The following PALM2AKAP2 variants were observed in gnomAD, a reference collection of about 807,000 sequenced individuals.
PALM2AKAP2 encodes PALM2-AKAP2 fusion protein.
PALM2AKAP2 carries 37 observed loss-of-function variants against 71.5 expected under a neutral mutation model. The observed-to-expected ratio is 0.52, with a 90% CI of 0.40 to 0.68. The LOEUF is 0.68. Among genes scored for constraint, PALM2AKAP2 ranks in the 30% least tolerant of loss-of-function variants. PALM2AKAP2 has a pLI of 0.00. For missense variants in PALM2AKAP2, 1,224 were observed against 1,191.8 expected (o/e 1.03, Z -0.40); for synonymous variants, 468 against 478.8 (o/e 0.98, Z 0.29).
At chr9:110,004,999 T>C (rs1034215875) in intron 6 of PALM2AKAP2, among the ~76,000 whole-genome samples, 4 of 152,210 alleles carry the variant, frequency 2.6e-5, no homozygotes, top group African/African-American at 9.6e-5. Context: ...TCGGAGTAGT[T>C]TGATCGTCTG....
At chr9:109,673,902 A>G (rs1827612080) in intron 1 of PALM2AKAP2, among the ~76,000 whole-genome samples, 1 of 152,006 alleles carries the variant, frequency 6.6e-6, no homozygotes, top group African/African-American at 2.4e-5. Flanking sequence ...CTGTTTTGTC[A>G]GGAACTAGGA....
chr9:110,119,350 A>G (rs1413007184), intron 1 of PALM2AKAP2, among the ~76,000 whole-genome samples: 3 of 151,770 alleles, frequency 2.0e-5, no homozygotes, highest in Non-Finnish European at 2.9e-5. Context: ...TCAAAAAAAA[A>G]AAAAAAAAAA....
intron 1 of PALM2AKAP2, among the ~76,000 whole-genome samples, chr9:110,105,761 A>C (rs1442655827): frequency 6.6e-6 from 1 of 152,206 alleles, no homozygotes; most frequent in Non-Finnish European, 1.5e-5. Flanking sequence ...AAAATTTATC[A>C]GCAGGCATAT....
intron 6 of PALM2AKAP2, among the ~76,000 whole-genome samples, chr9:110,005,498 G>C (rs945530040): frequency 6.6e-6 from 1 of 152,234 alleles, no homozygotes. Flanking sequence ...GAGGCAGTCT[G>C]TCCATTCTCA....
intron 1 of PALM2AKAP2, among the ~76,000 whole-genome samples, chr9:109,727,195 A>G (rs1474044995): frequency 6.6e-6 from 1 of 152,104 alleles, no homozygotes; most frequent in Non-Finnish European, 1.5e-5. Flanking sequence ...TTTCCTTGCC[A>G]GGACTTTGAA....
At chr9:110,142,277 CAG>C (rs1223198789) in intron 2 of PALM2AKAP2, among the ~76,000 whole-genome samples, 3 of 151,876 alleles carry the variant, frequency 2.0e-5, no homozygotes, top group Non-Finnish European at 4.4e-5. Flanking sequence ...TTAGTAGAGA[CAG>C]AGTTTCATCA....
chr9:109,860,531 C>T (rs1829282139), intron 1 of PALM2AKAP2, among the ~76,000 whole-genome samples: 1 of 152,154 alleles, frequency 6.6e-6, no homozygotes, highest in Non-Finnish European at 1.5e-5. Flanking sequence ...ATTTCAGTAT[C>T]CTTACTGGAA....
chr9:110,020,649 C>G (rs1833058102), intron 7 of PALM2AKAP2, among the ~76,000 whole-genome samples: 1 of 152,032 alleles, frequency 6.6e-6, no homozygotes, highest in Non-Finnish European at 1.5e-5. Flanking sequence ...CGCCACTGCA[C>G]TCCAGCCTGC....
chr9:109,861,237 C>T (rs1829299945), intron 1 of PALM2AKAP2, among the ~76,000 whole-genome samples: 1 of 152,208 alleles, frequency 6.6e-6, no homozygotes, highest in Admixed American at 6.5e-5. Context: ...TGTCCACAGC[C>T]ACAGCCTGGC....
At chr9:109,826,037 A>G (rs925291057) in intron 1 of PALM2AKAP2, among the ~76,000 whole-genome samples, 2 of 152,186 alleles carry the variant, frequency 1.3e-5, no homozygotes, top group East Asian at 1.9e-4. Context: ...TGCAGCCATA[A>G]AAAAGGATGG....
At chr9:109,977,060 G>T (rs1232818364) in intron 6 of PALM2AKAP2, among the ~76,000 whole-genome samples, 1 of 152,042 alleles carries the variant, frequency 6.6e-6, no homozygotes, top group Non-Finnish European at 1.5e-5. Flanking sequence ...AGATTTCTAG[G>T]CCACCTTAGA....
intron 1 of PALM2AKAP2, among the ~76,000 whole-genome samples, chr9:109,798,726 A>C (rs1827334788): frequency 6.6e-6 from 1 of 152,208 alleles, no homozygotes. Context: ...ATAATAAACA[A>C]AACATGCCTC....
chr9:109,655,969 A>G (rs1261713054), intron 1 of PALM2AKAP2, among the ~76,000 whole-genome samples: 2 of 152,142 alleles, frequency 1.3e-5, no homozygotes, highest in African/African-American at 4.8e-5. Context: ...TTGAAAGCCT[A>G]TTATGAGCCA....
At chr9:109,839,353 A>T (rs1828584902) in intron 1 of PALM2AKAP2, among the ~76,000 whole-genome samples, 1 of 152,212 alleles carries the variant, frequency 6.6e-6, no homozygotes, top group South Asian at 2.1e-4. Context: ...TGCGAAAAAC[A>T]CTAAATAAAT....
At chr9:110,035,127 C>G (rs1644941212) in intron 7 of PALM2AKAP2, among the ~76,000 whole-genome samples, 1 of 149,164 alleles carries the variant, frequency 6.7e-6, no homozygotes, top group Non-Finnish European at 1.5e-5. Context: ...TAGTGTTTTA[C>G]AAGTGCTTTT....
intron 2 of PALM2AKAP2, among the ~76,000 whole-genome samples, chr9:109,879,541 G>T (rs1310480836): frequency 6.6e-6 from 1 of 152,066 alleles, no homozygotes; most frequent in Non-Finnish European, 1.5e-5. Flanking sequence ...ACCTCTCCTT[G>T]CTCTTCCTTT....
intron 3 of PALM2AKAP2, among the ~76,000 whole-genome samples, chr9:110,160,449 G>A (rs1057213709): frequency 2.6e-5 from 4 of 152,178 alleles, no homozygotes; most frequent in East Asian, 1.9e-4. Context: ...CTTGCAAAGC[G>A]ACTGCCTCCA....
chr9:110,145,365 T>C (rs548392072), intron 2 of PALM2AKAP2, among the ~76,000 whole-genome samples: 4 of 152,332 alleles, frequency 2.6e-5, no homozygotes, highest in African/African-American at 9.6e-5. Context: ...GCTGCTCTTG[T>C]GAGTTCTTTT....
At chr9:109,787,240 CTTG>C (rs1258587196) in intron 1 of PALM2AKAP2, among the ~76,000 whole-genome samples, 6 of 152,178 alleles carry the variant, frequency 3.9e-5, no homozygotes, top group Admixed American at 2.6e-4. Context: ...ACTTCAGTGT[CTTG>C]TTGTGATGGT....
Sources: gnomAD v4.1 joint callset for allele counts (sites outside exome capture counted in the v4.1 genomes callset) on GRCh38, gnomAD v4.1.1 for gene constraint, MANE v1.5 for transcripts, NCBI Gene and HGNC (gene_info 2026-07-23, HGNC 2026-07-21) for gene names.